KIZ: variants seen among roughly 807,000 people sequenced by gnomAD.
KIZ encodes centrosomal protein kizuna.
A neutral mutation model predicts 79.6 loss-of-function variants in KIZ; 68 were observed. The ratio of observed to expected loss-of-function variants is 0.85; its 90% confidence interval spans 0.70 to 1.05. KIZ has a LOEUF of 1.05. KIZ is among the 50% of genes least tolerant of loss of function. The pLI, the probability that KIZ is intolerant of heterozygous loss-of-function variation, is 0.00. For missense variants in KIZ, 797 were observed against 800.4 expected (o/e 1.00, Z 0.05); for synonymous variants, 280 against 281.8 (o/e 0.99, Z 0.06).
At position 21,214,712 on chromosome 20, in the gene KIZ, T is replaced by A; in HGVS notation, c.1612+12T>A. On this transcript the variant is annotated intron_variant, in intron 8 of 12. Transcript: ENST00000619189. Reference sequence around the variant, plus strand: ...TACAAGGGAACAAGGTAACTATTGTTAAAGTGTGTGTCCACAGCAAAAAGG... The same window carrying A: ...TACAAGGGAACAAGGTAACTATTGTAAAAGTGTGTGTCCACAGCAAAAAGG... The A allele has an allele frequency of 3.1e-6, 5 of 1,599,574 alleles. No homozygotes were observed. Among genetic ancestry groups the A allele is most frequent in the Non-Finnish European group, 4.3e-6 (5 of 1,167,642 alleles).
At chr20:21,226,237 G>C (rs888054328) in intron 9 of KIZ, 1 of 152,256 alleles carries the variant, frequency 6.6e-6, no homozygotes, top group African/African-American at 2.4e-5. Flanking sequence ...GTGCCTCCTT[G>C]CCTGCTACAG....
At chr20:21,132,210 C>CA in intron 2 of KIZ, 51 bp downstream of exon 2, 1 of 855,864 alleles carries the variant, frequency 1.2e-6, no homozygotes, top group South Asian at 1.6e-5. Context: ...ATATATTAAT[C>CA]AAAAATGTAA....
chr20:21,172,534 G>C (rs1326590972), intron 6 of KIZ, among the ~76,000 whole-genome samples: 1 of 152,100 alleles, frequency 6.6e-6, no homozygotes, highest in Non-Finnish European at 1.5e-5. Flanking sequence ...AGGAGGTTGA[G>C]ACTGCAGTGG....
chr20:21,141,798 A>AACACAC (rs373681499), intron 3 of KIZ, among the ~76,000 whole-genome samples: 5 of 133,370 alleles, frequency 3.7e-5, no homozygotes, highest in East Asian at 2.2e-4. Context: ...TACTCCTCCC[A>AACACAC]ACACACACAC....
chr20:21,235,832 C>A (rs556207412), intron 11 of KIZ, among the ~76,000 whole-genome samples: 1 of 152,362 alleles, frequency 6.6e-6, no homozygotes, highest in African/African-American at 2.4e-5. Flanking sequence ...GCCACCAGAG[C>A]GGCCAGTGGA....
intron 6 of KIZ, among the ~76,000 whole-genome samples, chr20:21,187,405 A>G (rs2034922924): frequency 6.6e-6 from 1 of 152,174 alleles, no homozygotes; most frequent in Non-Finnish European, 1.5e-5. Flanking sequence ...ATAACTCTGT[A>G]CTAGACCCAT....
Position 21,243,336 on chromosome 20 carries a change from G to A in KIZ, c.1881-909G>A, listed in dbSNP as rs181374325. On this transcript the variant is annotated intron_variant, in intron 11 of 12. Coordinates refer to ENST00000619189, the MANE Select transcript of KIZ (RefSeq NM_018474.6). The stretch of plus-strand genomic sequence containing the variant: ...AAAAAAAAGTAAATTATAGCAAAAC[G>A]TAGATTTTTAAGCCAAAAGTCAACC... 5.7e-3 allele frequency among the ~76,000 whole-genome samples: 872 copies of A among 152,070 alleles called. 5 individuals are homozygous for A. Among genetic ancestry groups the A allele is most frequent in the Non-Finnish European group, 8.1e-3 (554 of 67,984 alleles).
chr20:21,151,082 A>G (rs2033095671), intron 4 of KIZ: 1 of 152,226 alleles, frequency 6.6e-6, no homozygotes, highest in Non-Finnish European at 1.5e-5. Context: ...CAGCAACCTT[A>G]CAAAATAAGA....
At chr20:21,200,629 T>G (rs1035124776) in intron 6 of KIZ, among the ~76,000 whole-genome samples, 35 of 151,908 alleles carry the variant, frequency 2.3e-4, no homozygotes, top group Admixed American at 6.6e-5. Context: ...TATAAGAATC[T>G]AATGCTCCCC....
chr20:21,188,882 G>T (rs971737106), intron 6 of KIZ, among the ~76,000 whole-genome samples: 3 of 151,494 alleles, frequency 2.0e-5, no homozygotes, highest in Non-Finnish European at 4.4e-5. Flanking sequence ...GTGTGTGTGT[G>T]TTTTTTTGGT....
chr20:21,209,173 A>G (rs1235725249), intron 7 of KIZ, among the ~76,000 whole-genome samples: 1 of 152,178 alleles, frequency 6.6e-6, no homozygotes, highest in African/African-American at 2.4e-5. Context: ...GAGTAAATAC[A>G]TCATCAAAGC....
intron 6 of KIZ, among the ~76,000 whole-genome samples, chr20:21,166,793 A>C (rs1345890420): frequency 6.6e-6 from 1 of 152,078 alleles, no homozygotes; most frequent in Non-Finnish European, 1.5e-5. Context: ...CGGTTTCACT[A>C]TGTTGGCCAG....
intron 6 of KIZ, among the ~76,000 whole-genome samples, chr20:21,202,554 G>GA (rs894363343): frequency 5.3e-5 from 8 of 152,092 alleles, no homozygotes; most frequent in Non-Finnish European, 8.8e-5. Context: ...TCAAGTCCTG[G>GA]AAAAAAATAG....
chr20:21,189,885 T>C (rs2035040448), intron 6 of KIZ, among the ~76,000 whole-genome samples: 1 of 152,162 alleles, frequency 6.6e-6, no homozygotes, highest in South Asian at 2.1e-4. Flanking sequence ...CTTTTTGGCA[T>C]TGTGCTCCCT....
intron 11 of KIZ, among the ~76,000 whole-genome samples, chr20:21,241,350 C>T (rs1276379842): frequency 6.6e-6 from 1 of 152,182 alleles, no homozygotes; most frequent in African/African-American, 2.4e-5. Context: ...AAAATAATTG[C>T]TCCTTAGATA....
intron 6 of KIZ, among the ~76,000 whole-genome samples, chr20:21,187,574 G>A (rs371698103): frequency 6.6e-5 from 10 of 151,994 alleles, no homozygotes; most frequent in South Asian, 2.1e-4. Flanking sequence ...CCCTGAATCC[G>A]CTCACCTAGT....
At position 21,130,867 on chromosome 20, in the gene KIZ, T is replaced by C. The variant is rs140393834; in HGVS notation, c.90-1230T>C. On this transcript the variant is annotated intron_variant, in intron 1 of 12. Coordinates refer to ENST00000619189, the MANE Select transcript of KIZ (RefSeq NM_018474.6). ...GGAAAAGAACTATTCTGAAGATATA[T>C]AGAAACTGATAATTAAGAGCTCACA... Among the ~76,000 whole-genome samples the C allele has an allele frequency of 3.8e-3, 580 of 152,364 alleles. 2 individuals are homozygous for C. The highest frequency in any genetic ancestry group is 0.013 in the African/African-American group (554 of 41,590).
chr20:21,180,541 G>A (rs1044821682), intron 6 of KIZ, among the ~76,000 whole-genome samples: 1 of 151,924 alleles, frequency 6.6e-6, no homozygotes, highest in Non-Finnish European at 1.5e-5. Context: ...TCCTACTACG[G>A]GTGTAGCAAA....
intron 4 of KIZ, 69 bp downstream of exon 4, chr20:21,145,723 G>T: frequency 1.7e-6 from 1 of 600,590 alleles, no homozygotes; most frequent in Non-Finnish European, 2.8e-6. Flanking sequence ...TTGAGATATT[G>T]TTTTAAATAA....
Sources: allele counts gnomAD v4.1 joint callset (sites outside exome capture counted in the v4.1 genomes callset), GRCh38; gene constraint gnomAD v4.1.1; transcripts MANE v1.5; gene names NCBI Gene and HGNC (gene_info 2026-07-23, HGNC 2026-07-21).